The following MYL1 variants were observed in gnomAD, a reference collection of about 807,000 sequenced individuals.
MYL1 encodes the protein myosin light chain 1/3, skeletal muscle isoform.
In MYL1, 16 loss-of-function variants were observed where a neutral mutation model predicts 21.8. The ratio of observed to expected loss-of-function variants is 0.74; its 90% confidence interval spans 0.50 to 1.12. MYL1 has a LOEUF of 1.12. Ranked by LOEUF, MYL1 falls within the 50% of genes most tolerant of loss-of-function variation. The probability of loss-of-function intolerance (pLI) is 0.00; values close to 1 mark genes in which losing one functional copy is unlikely to be tolerated. For synonymous variants in MYL1, 99 were observed against 85.2 expected (o/e 1.16, Z -0.89); for missense variants, 246 against 241.0 (o/e 1.02, Z -0.14).
Position 210,293,772 on chromosome 2 carries a change from T to C in MYL1, c.507A>G (p.Glu169=), listed in dbSNP as rs143710089. ...AGTCTTCTTGACCTGCCATCAGGGCTTCCACTTCTTCCTCTTTCATCTTTT... is the reference window on the plus strand; with the variant it reads ...AGTCTTCTTGACCTGCCATCAGGGCCTCCACTTCTTCCTCTTTCATCTTTT... ...LGEKMKEEEV[E]ALMAGQEDSN... is the part of the protein sequence containing the mutation. The change falls in exon 5 of 7, where the codon GAA becomes GAG. Residue 169 remains glutamate, a synonymous_variant. Transcript: ENST00000352451. 2 of 1,613,962 alleles carry C rather than the reference T, an allele frequency of 1.2e-6. No individual in the cohort carries two copies. The highest frequency in any genetic ancestry group is 2.7e-5 in the African/African-American group (2 of 74,932).
chr2:210,305,313 G>A (rs141606512), intron 1 of MYL1, among the ~76,000 whole-genome samples: 43 of 152,098 alleles, frequency 2.8e-4, no homozygotes, highest in Admixed American at 5.9e-4. Flanking sequence ...AAACATTTTC[G>A]TAAATAGCTT....
intron 3 of MYL1, among the ~76,000 whole-genome samples, chr2:210,297,124 G>T (rs1690186315): frequency 6.6e-6 from 1 of 151,042 alleles, no homozygotes; most frequent in African/African-American, 2.4e-5. Flanking sequence ...AAATAGTGTT[G>T]CAGTAAGCAT....
In MYL1 at chr2:210,314,923, G is replaced by A. The variant is rs1353796907; in HGVS notation, c.120C>T (p.Leu40=). ...PAKPKEEKID[L]SAIKIEFSKE... is the part of the protein sequence containing the mutation. ...TCCATTTAGTTACCTTAATGGCAGA[G>A]AGGTCAATTTTTTCTTCTTTGGGTT... The change falls in exon 1 of 7, where the codon CTC becomes CTT. Residue 40 remains leucine, a synonymous_variant. Transcript: ENST00000352451. The A allele has an allele frequency of 6.2e-7, 1 of 1,613,794 alleles. No individual in the cohort carries two copies. The highest frequency in any genetic ancestry group is 1.3e-5 in the African/African-American group (1 of 74,908).
In MYL1 at chr2:210,298,077, T is replaced by C. The variant is rs971343676; in HGVS notation, c.304+343A>G. Among the ~76,000 whole-genome samples, 15 of 152,090 alleles carry C rather than the reference T, an allele frequency of 9.9e-5. 1 individual carries two copies. The highest frequency in any genetic ancestry group is 1.5e-5 in the Non-Finnish European group (1 of 68,016). ...TTATTTCATTACATTAGCCTTTAAT[T>C]ATGAACATTCGAAATGATATTAGCA... On this transcript the variant is annotated intron_variant, in intron 3 of 6. Transcript: ENST00000352451.
At chr2:210,292,057 C>T (rs1306566810) in intron 5 of MYL1, among the ~76,000 whole-genome samples, 2 of 152,150 alleles carry the variant, frequency 1.3e-5, no homozygotes, top group South Asian at 2.1e-4. Context: ...AATGATATCT[C>T]AGTGTAGTTT....
intron 1 of MYL1, chr2:210,303,395 C>A: frequency 1.7e-6 from 1 of 600,824 alleles, no homozygotes. Context: ...TAATGGATCT[C>A]AACAAAACCC....
chr2:210,296,009 A>C (rs1247002012), intron 3 of MYL1, among the ~76,000 whole-genome samples: 1 of 152,182 alleles, frequency 6.6e-6, no homozygotes, highest in Admixed American at 6.5e-5. Context: ...TAACAAAGGA[A>C]GGTCACCAAA....
rs1271075285 is a variant in MYL1, at chr2:210,315,135, G to C, written c.-93C>G. ...TTGGAAGAGGAGTGGTGGTTGGGTT[G>C]ATCCACAGCCCAGTGTCTTGAAGAT... On this transcript the variant is annotated 5_prime_UTR_variant, in exon 1 of 7. In the 5' UTR this introduces an upstream ATG that the reference lacks. Coordinates refer to ENST00000352451, the MANE Select transcript of MYL1 (RefSeq NM_079420.3). The C allele has an allele frequency of 2.7e-6, 4 of 1,469,208 alleles. No individual in the cohort carries two copies. The highest frequency in any genetic ancestry group is 3.7e-6 in the Non-Finnish European group (4 of 1,081,324). 91.0% of individuals were successfully genotyped at this position (1,469,208 alleles called of 1,614,324 possible). A position where few individuals can be genotyped will look rare whatever the true frequency, so the allele number is the denominator to read the frequency against.
chr2:210,303,819 C>A (rs1690300629), intron 1 of MYL1, among the ~76,000 whole-genome samples: 1 of 152,122 alleles, frequency 6.6e-6, no homozygotes, highest in African/African-American at 2.4e-5. Context: ...AGATGGAAGC[C>A]TGCCGGTACT....
chr2:210,295,131 A>G (rs2125739221), intron 3 of MYL1, among the ~76,000 whole-genome samples: 1 of 152,280 alleles, frequency 6.6e-6, no homozygotes, highest in South Asian at 2.1e-4. Flanking sequence ...ATTTTATACT[A>G]TCCAGTTGTA....
intron 6 of MYL1, among the ~76,000 whole-genome samples, 197 bp from the exon 7 acceptor site, chr2:210,290,664 C>A (rs1690061663): frequency 6.6e-6 from 1 of 152,136 alleles, no homozygotes; most frequent in African/African-American, 2.4e-5. Context: ...TTTTCTAGAG[C>A]AGAAACTGTT....
At chr2:210,291,610 A>G (rs1269574792) in intron 5 of MYL1, among the ~76,000 whole-genome samples, 2 of 152,194 alleles carry the variant, frequency 1.3e-5, no homozygotes, top group Non-Finnish European at 1.5e-5. Flanking sequence ...CATACTCTAT[A>G]CATTGTTTTG....
chr2:210,306,612 G>A (rs1690344852), intron 1 of MYL1, among the ~76,000 whole-genome samples: 1 of 152,038 alleles, frequency 6.6e-6, no homozygotes, highest in African/African-American at 2.4e-5. Flanking sequence ...ACAACAGTAG[G>A]GAAGGCTACA....
chr2:210,312,661 T>C (rs1220549756), intron 1 of MYL1, among the ~76,000 whole-genome samples: 1 of 151,962 alleles, frequency 6.6e-6, no homozygotes, highest in African/African-American at 2.4e-5. Flanking sequence ...AAAAGTGTGT[T>C]AGTTTCCATT....
In MYL1 at chr2:210,297,256, A is replaced by T. The variant is rs150184699; in HGVS notation, c.304+1164T>A. Among the ~76,000 whole-genome samples, 524 of 152,050 alleles carry T rather than the reference A, an allele frequency of 3.4e-3. 7 individuals carry two copies. The Middle Eastern group carries it at 0.051, about 15-fold the overall frequency. The stretch of plus-strand genomic sequence containing the variant: ...TTTTTGATAAACCGTACTATTTTCC[A>T]CAATGGTTGCACTTACATTCTCAGC... On this transcript the variant is annotated intron_variant, in intron 3 of 6. Transcript: ENST00000352451.
At chr2:210,307,417 C>T (rs557457540) in intron 1 of MYL1, among the ~76,000 whole-genome samples, 37 of 152,248 alleles carry the variant, frequency 2.4e-4, no homozygotes, top group African/African-American at 8.7e-4. Flanking sequence ...TAAACTTCTC[C>T]TCTAGAATGT....
At chr2:210,297,288 A>G (rs1690188770) in intron 3 of MYL1, among the ~76,000 whole-genome samples, 1 of 152,040 alleles carries the variant, frequency 6.6e-6, no homozygotes, top group Non-Finnish European at 1.5e-5. Context: ...CAGCAACAGT[A>G]TATAAAAGTT....
In MYL1 at chr2:210,301,469, T is replaced by C. The variant is rs1039091072; in HGVS notation, c.160+1019A>G. The stretch of plus-strand genomic sequence containing the variant: ...TTAGGTAGAGAACTGAGTATTTGAA[T>C]AGGTTCTTATTAATCACCTATAATT... On this transcript the variant is annotated intron_variant, in intron 2 of 6. Coordinates refer to ENST00000352451, the MANE Select transcript of MYL1 (RefSeq NM_079420.3). Among the ~76,000 whole-genome samples, 10 of 152,216 alleles carry C rather than the reference T, an allele frequency of 6.6e-5. No homozygotes were observed. The East Asian group carries it at 1.9e-3, about 29-fold the overall frequency.
At chr2:210,290,836 G>GT (rs1461853325) in intron 6 of MYL1, among the ~76,000 whole-genome samples, 196 bp downstream of exon 6, 1 of 151,780 alleles carries the variant, frequency 6.6e-6, no homozygotes, top group Admixed American at 6.6e-5. Context: ...AACCTCATAG[G>GT]TTTTTGCTTA....
Sources: gnomAD v4.1 joint callset for allele counts (sites outside exome capture counted in the v4.1 genomes callset) on GRCh38, gnomAD v4.1.1 for gene constraint, MANE v1.5 for transcripts, NCBI Gene and HGNC (gene_info 2026-07-23, HGNC 2026-07-21) for gene names.